The following SLC12A8 variants were observed in gnomAD, a reference collection of about 807,000 sequenced individuals.
SLC12A8 encodes the protein solute carrier family 12 member 8.
In SLC12A8, 69 loss-of-function variants were observed where a neutral mutation model predicts 75.6. The ratio of observed to expected loss-of-function variants is 0.91; its 90% CI spans 0.75 to 1.11. The LOEUF (loss-of-function observed/expected upper bound fraction) is 1.11, where lower values mean the gene tolerates loss of function less well. Among genes scored for constraint, SLC12A8 ranks in the 50% most tolerant of loss-of-function variants. The pLI, the probability that SLC12A8 is intolerant of heterozygous loss-of-function variation, is 0.00. For missense variants in SLC12A8, 877 were observed against 896.7 expected (o/e 0.98, Z 0.28); for synonymous variants, 365 against 372.8 (o/e 0.98, Z 0.24).
chr3:125,132,710 A>G (rs1250969024), intron 6 of SLC12A8, among the ~76,000 whole-genome samples: 3 of 152,222 alleles, frequency 2.0e-5, no homozygotes, highest in Admixed American at 1.3e-4. Flanking sequence ...AGCTTGGAAG[A>G]GAAGTCTGGG....
chr3:125,095,865 C>T (rs1358104493), intron 10 of SLC12A8, among the ~76,000 whole-genome samples: 1 of 152,182 alleles, frequency 6.6e-6, no homozygotes, highest in East Asian at 1.9e-4. Context: ...GTTTAGCCTA[C>T]CCTAATTAAT....
At chr3:125,157,846 G>A (rs1372918250) in intron 5 of SLC12A8, among the ~76,000 whole-genome samples, 1 of 152,206 alleles carries the variant, frequency 6.6e-6, no homozygotes, top group African/African-American at 2.4e-5. Context: ...CCCAGGAAAT[G>A]GTGATTGTTT....
At chr3:125,121,540 G>C (rs1933061602) in intron 6 of SLC12A8, among the ~76,000 whole-genome samples, 1 of 152,140 alleles carries the variant, frequency 6.6e-6, no homozygotes, top group African/African-American at 2.4e-5. Context: ...CATGATTTGT[G>C]AACACTTTCA....
chr3:125,106,646 C>G (rs544259114), intron 10 of SLC12A8, among the ~76,000 whole-genome samples: 1 of 152,130 alleles, frequency 6.6e-6, no homozygotes, highest in Admixed American at 6.5e-5. Flanking sequence ...CCACCGCGCC[C>G]GGCCAAAACA....
chr3:125,096,709 A>G (rs1320943301), intron 10 of SLC12A8, among the ~76,000 whole-genome samples: 1 of 152,220 alleles, frequency 6.6e-6, no homozygotes, highest in Non-Finnish European at 1.5e-5. Context: ...CTTAATAATT[A>G]TGGATTAAAA....
chr3:125,094,712 C>T (rs1304699969), intron 10 of SLC12A8, among the ~76,000 whole-genome samples: 1 of 152,200 alleles, frequency 6.6e-6, no homozygotes, highest in African/African-American at 2.4e-5. Flanking sequence ...GCTGTCTCTC[C>T]CTTATAGCAA....
At chr3:125,153,878 G>C (rs1274690884) in intron 5 of SLC12A8, among the ~76,000 whole-genome samples, 1 of 152,164 alleles carries the variant, frequency 6.6e-6, no homozygotes, top group African/African-American at 2.4e-5. Context: ...CTCTGGACTA[G>C]CTGGGGTTAC....
At chr3:125,197,339 T>TG (rs1265718301) in intron 2 of SLC12A8, among the ~76,000 whole-genome samples, 1 of 152,142 alleles carries the variant, frequency 6.6e-6, no homozygotes, top group Non-Finnish European at 1.5e-5. Flanking sequence ...TCACCCAGGC[T>TG]GGAGTACAGT....
At chr3:125,153,559 G>A (rs1933981594) in intron 5 of SLC12A8, among the ~76,000 whole-genome samples, 1 of 152,224 alleles carries the variant, frequency 6.6e-6, no homozygotes, top group African/African-American at 2.4e-5. Flanking sequence ...GAGGAGTTGG[G>A]CAAGTGTCGC....
Position 125,130,706 on chromosome 3 carries a change from G to A in SLC12A8, c.736+4963C>T, listed in dbSNP as rs866653618. 5.9e-5 allele frequency among the ~76,000 whole-genome samples: 9 copies of A among 152,340 alleles called. No homozygotes were observed. The Middle Eastern group carries it at 0.014, about 230-fold the overall frequency. On this transcript the variant is annotated intron_variant, in intron 6 of 13. Coordinates refer to ENST00000469902, the MANE Select transcript of SLC12A8 (RefSeq NM_024628.6). The stretch of plus-strand genomic sequence containing the variant: ...AGTCCAGCTCATACTCTGGGCTACT[G>A]GGTGGCACCTTCAAGCCTCAGGCTG...
At position 125,187,372 on chromosome 3, in the gene SLC12A8, G is replaced by A. The variant is rs1190817586; in HGVS notation, c.255C>T (p.Ala85=). The change falls in exon 4 of 14, where the codon GCC becomes GCT. Residue 85 remains alanine, a synonymous_variant. Transcript: ENST00000469902. The stretch of plus-strand genomic sequence containing the variant: ...CAATGCCAGACAGCACCGTGACGAG[G>A]GCCACCAGGATGACGAAGGACACCA... ...MFLVSFVILV[A]LVTVLSGIGV... The A allele has an allele frequency of 2.5e-6, 4 of 1,614,052 alleles. No individual in the cohort carries two copies. Among genetic ancestry groups the A allele is most frequent in the East Asian group, 4.5e-5 (2 of 44,884 alleles).
chr3:125,183,758 A>G (rs996414422), intron 4 of SLC12A8, among the ~76,000 whole-genome samples: 3 of 152,076 alleles, frequency 2.0e-5, no homozygotes, highest in Non-Finnish European at 4.4e-5. Context: ...TTTGGTGTTC[A>G]GGGTAAACAG....
Position 125,202,234 on chromosome 3 carries a change from C to T in SLC12A8, c.51+9065G>A, listed in dbSNP as rs1579545313. ...CGTATGTGTATTTCTCTTAATCCTA[C>T]TACAATTAATTGATAATGTTCTAGG... On this transcript the variant is annotated intron_variant, in intron 2 of 13. Coordinates refer to ENST00000469902, the MANE Select transcript of SLC12A8 (RefSeq NM_024628.6). Among the ~76,000 whole-genome samples the T allele has an allele frequency of 2.0e-5, 3 of 152,202 alleles. No individual in the cohort carries two copies. The South Asian group carries it at 6.2e-4, about 32-fold the overall frequency.
chr3:125,119,789 G>GT, intron 7 of SLC12A8: 1 of 448,558 alleles, frequency 2.2e-6, no homozygotes, highest in Admixed American at 2.4e-5. Flanking sequence ...AAATACTGTG[G>GT]TTAGAATAAC....
At chr3:125,122,348 T>C (rs928885819) in intron 6 of SLC12A8, among the ~76,000 whole-genome samples, 2 of 152,220 alleles carry the variant, frequency 1.3e-5, no homozygotes, top group African/African-American at 2.4e-5. Flanking sequence ...GTTTTGTTGT[T>C]GTTGTTTTTG....
At chr3:125,141,911 G>T (rs947285245) in intron 5 of SLC12A8, among the ~76,000 whole-genome samples, 3 of 152,084 alleles carry the variant, frequency 2.0e-5, no homozygotes, top group Non-Finnish European at 4.4e-5. Flanking sequence ...GCTCTGCGAG[G>T]AAAGGGAAAG....
chr3:125,212,529 C>T (rs1935357391), intron 1 of SLC12A8, among the ~76,000 whole-genome samples, 171 bp downstream of exon 1: 1 of 152,184 alleles, frequency 6.6e-6, no homozygotes, highest in African/African-American at 2.4e-5. Context: ...ACCCCAAGTA[C>T]TGGGGCCAGG....
intron 8 of SLC12A8, among the ~76,000 whole-genome samples, chr3:125,113,947 T>A (rs572281186): frequency 5.9e-5 from 9 of 152,278 alleles, no homozygotes; most frequent in African/African-American, 2.2e-4. Flanking sequence ...AGGCGCTCAT[T>A]CTGTCTCATC....
In SLC12A8 at chr3:125,085,333, T is replaced by C. The variant is rs78447061; in HGVS notation, c.1983-1281A>G. 3.2e-3 allele frequency among the ~76,000 whole-genome samples: 490 copies of C among 152,358 alleles called. 2 individuals are homozygous for C. Among genetic ancestry groups the C allele is most frequent in the African/African-American group, 0.011 (441 of 41,582 alleles). ...CTAGAATGACTTTCAAATCCTCATT[T>C]GGACAGTTGCTAGTGCTTCAAGAAA... On this transcript the variant is annotated intron_variant, in intron 13 of 13. Coordinates refer to ENST00000469902, the MANE Select transcript of SLC12A8 (RefSeq NM_024628.6).
Sources: gnomAD v4.1 joint callset for allele counts (sites outside exome capture counted in the v4.1 genomes callset) on GRCh38, gnomAD v4.1.1 for gene constraint, MANE v1.5 for transcripts, NCBI Gene and HGNC (gene_info 2026-07-23, HGNC 2026-07-21) for gene names.